The following PCDHGA6 variants were observed in gnomAD, a reference collection of about 807,000 sequenced individuals.
PCDHGA6 encodes protocadherin gamma-A6.
In PCDHGA6, 41 loss-of-function variants were observed where a neutral mutation model predicts 60.6. The ratio of observed to expected loss-of-function variants is 0.68; its 90% CI spans 0.53 to 0.88. The LOEUF (loss-of-function observed/expected upper bound fraction) is 0.88. PCDHGA6 is among the 40% of genes least tolerant of loss of function. PCDHGA6 has a pLI of 0.00. For synonymous variants in PCDHGA6, 594 were observed against 524.4 expected, an observed-to-expected ratio of 1.13 and a Z score of -1.81; for missense variants, 1,312 against 1,203.0, an observed-to-expected ratio of 1.09 and a Z score of -1.34.
chr5:141,420,269 A>G, intron 1 of PCDHGA6: 1 of 1,544,558 alleles, frequency 6.5e-7, no homozygotes, highest in Admixed American at 2.0e-5. Flanking sequence ...GAAGATTCTT[A>G]AACAGGTAAG....
intron 1 of PCDHGA6, chr5:141,399,756 C>G: frequency 6.2e-7 from 1 of 1,613,346 alleles, no homozygotes; most frequent in Non-Finnish European, 8.5e-7. Flanking sequence ...CAAACGTGAG[C>G]CTGCGCGTGT....
At chr5:141,420,469 T>C in intron 1 of PCDHGA6, 1 of 724,306 alleles carries the variant, frequency 1.4e-6, no homozygotes. Flanking sequence ...AAAGACATTT[T>C]AAAGCAAACT....
At chr5:141,472,219 A>C (rs2099274667) in intron 1 of PCDHGA6, among the ~76,000 whole-genome samples, 1 of 152,210 alleles carries the variant, frequency 6.6e-6, no homozygotes, top group Non-Finnish European at 1.5e-5. Context: ...CTTACTCTCG[A>C]TCATATAATA....
chr5:141,439,716 C>T (rs2098127719), intron 1 of PCDHGA6: 1 of 152,476 alleles, frequency 6.6e-6, no homozygotes, highest in Non-Finnish European at 1.5e-5. Flanking sequence ...CCTAGTTCTA[C>T]AAATTATAAG....
intron 1 of PCDHGA6, chr5:141,410,302 A>C: frequency 1.2e-6 from 2 of 1,613,356 alleles, no homozygotes; most frequent in Non-Finnish European, 1.7e-6. Flanking sequence ...CCTTAATCTC[A>C]GTGCTCTTCC....
chr5:141,395,264 A>C (rs2093207486), intron 1 of PCDHGA6: 1 of 1,549,832 alleles, frequency 6.5e-7, no homozygotes, highest in Non-Finnish European at 8.7e-7. Context: ...GCTTGCTTTT[A>C]ATTTCCAGAT....
chr5:141,395,380 T>A, intron 1 of PCDHGA6: 2 of 1,112,040 alleles, frequency 1.8e-6, no homozygotes, highest in Non-Finnish European at 2.5e-6. Flanking sequence ...GTGGTGTTAC[T>A]ATAAAATTGA....
chr5:141,395,515 C>T (rs527577408), intron 1 of PCDHGA6: 5 of 407,340 alleles, frequency 1.2e-5, no homozygotes, highest in South Asian at 7.2e-5. Context: ...AGTAGCTACC[C>T]GTCCATACTG....
chr5:141,430,629 C>A, intron 1 of PCDHGA6: 1 of 812,246 alleles, frequency 1.2e-6, no homozygotes. Context: ...AGGAATGAAC[C>A]ATCCCTGGGA....
chr5:141,433,329 G>A, intron 1 of PCDHGA6: 1 of 702,998 alleles, frequency 1.4e-6, no homozygotes, highest in Non-Finnish European at 2.4e-6. Context: ...GTGTAACAGG[G>A]ACTACAGGTG....
In PCDHGA6 at chr5:141,405,105, A is replaced by T. The variant is rs1239308721; in HGVS notation, c.2424+28598A>T. The T allele has an allele frequency of 5.6e-6, 9 of 1,613,756 alleles. No individual in the cohort carries two copies. In the Admixed American group the frequency reaches 1.5e-4, roughly 27 times the overall value. Reference sequence around the variant, plus strand: ...ACGCTGCTGGCCCTCAGGCTGAGGCACTGGCACTCCTCGCATCTGCTGCGG... The same window carrying T: ...ACGCTGCTGGCCCTCAGGCTGAGGCTCTGGCACTCCTCGCATCTGCTGCGG... On this transcript the variant is annotated intron_variant, in intron 1 of 3. Coordinates refer to ENST00000517434, the MANE Select transcript of PCDHGA6 (RefSeq NM_018919.3).
intron 1 of PCDHGA6, chr5:141,399,194 C>T (rs770516092): frequency 1.2e-6 from 2 of 1,613,838 alleles, no homozygotes; most frequent in South Asian, 1.1e-5. Context: ...CTGGAAAACG[C>T]GGTGCCTGGA....
Position 141,374,799 on chromosome 5 carries a change from C to T in PCDHGA6, c.716C>T (p.Thr239Ile), listed in dbSNP as rs1177554784. 3.1e-6 allele frequency: 5 copies of T among 1,613,978 alleles called. No homozygotes were observed. Among genetic ancestry groups the T allele is most frequent in the African/African-American group, 2.7e-5 (2 of 75,076 alleles). ...LVTVLDVNDNTPMFTQPVYRV... is the reference protein window; with the variant it reads ...LVTVLDVNDNIPMFTQPVYRV... ...ACAGTTCTAGATGTGAATGACAACA[C>T]TCCAATGTTTACTCAGCCTGTCTAC... The change falls in exon 1 of 4, where the codon ACT becomes ATT. Residue 239 changes from threonine (T) to isoleucine (I), a missense_variant. Transcript: ENST00000517434.
At chr5:141,502,484 G>A (rs962659219) in intron 2 of PCDHGA6, among the ~76,000 whole-genome samples, 1 of 152,000 alleles carries the variant, frequency 6.6e-6, no homozygotes. Context: ...CATCACACTG[G>A]GACTCATCTA....
chr5:141,395,317 A>G, intron 1 of PCDHGA6: 1 of 1,488,840 alleles, frequency 6.7e-7, no homozygotes, highest in Non-Finnish European at 9.0e-7. Flanking sequence ...AACATTGTGA[A>G]GATAGTTGAA....
At chr5:141,437,035 C>T (rs991186972) in intron 1 of PCDHGA6, among the ~76,000 whole-genome samples, 1 of 152,120 alleles carries the variant, frequency 6.6e-6, no homozygotes, top group Non-Finnish European at 1.5e-5. Context: ...AATGGATCAC[C>T]GAAACCAGAA....
intron 1 of PCDHGA6, chr5:141,419,465 G>A (rs568864628): frequency 1.9e-6 from 3 of 1,612,544 alleles, no homozygotes; most frequent in South Asian, 1.1e-5. Context: ...GCAGGCCCGC[G>A]ACCAGGGCTC....
At chr5:141,507,132 C>T (rs748716107) in intron 3 of PCDHGA6, 2 of 152,188 alleles carry the variant, frequency 1.3e-5, no homozygotes, top group African/African-American at 2.4e-5. Flanking sequence ...GATCCAGCCT[C>T]GGCTTCTCTA....
At chr5:141,397,183 T>C (rs1319444729) in intron 1 of PCDHGA6, among the ~76,000 whole-genome samples, 2 of 152,190 alleles carry the variant, frequency 1.3e-5, no homozygotes, top group East Asian at 3.8e-4. Flanking sequence ...AATGAATTTA[T>C]GTACTGTAAA....
Sources: gnomAD v4.1 joint callset for allele counts (sites outside exome capture counted in the v4.1 genomes callset) on GRCh38, gnomAD v4.1.1 for gene constraint, MANE v1.5 for transcripts, NCBI Gene and HGNC (gene_info 2026-07-23, HGNC 2026-07-21) for gene names.